Variants in NCALD observed in about 807,000 individuals in gnomAD.
NCALD encodes the protein neurocalcin delta.
Under a neutral mutation model 18.6 loss-of-function variants are expected in NCALD, and 10 were observed. The ratio of observed to expected loss-of-function variants is 0.54; its 90% CI spans 0.33 to 0.91. NCALD has a LOEUF of 0.91. Ranked by LOEUF, NCALD falls within the 40% of genes least tolerant of loss-of-function variation. The probability of loss-of-function intolerance (pLI) is 0.03; values close to 1 mark genes in which losing one functional copy is unlikely to be tolerated. For synonymous variants in NCALD, 88 were observed against 87.4 expected (o/e 1.01, Z -0.04); for missense variants, 184 against 247.6 (o/e 0.74, Z 1.72).
At chr8:102,068,494 T>G (rs1415156222) in intron 1 of NCALD, among the ~76,000 whole-genome samples, 3 of 152,234 alleles carry the variant, frequency 2.0e-5, no homozygotes, top group African/African-American at 7.2e-5. Context: ...TCACAAGGCT[T>G]GAGTTGCTAT....
intron 1 of NCALD, among the ~76,000 whole-genome samples, chr8:102,067,513 A>G (rs1790362280): frequency 6.6e-6 from 1 of 152,190 alleles, no homozygotes; most frequent in South Asian, 2.1e-4. Flanking sequence ...TTTAGCAAGG[A>G]CTTTCCAGGA....
intron 3 of NCALD, among the ~76,000 whole-genome samples, chr8:101,889,694 T>C (rs1816802203): frequency 1.3e-5 from 2 of 152,210 alleles, no homozygotes; most frequent in South Asian, 2.1e-4. Flanking sequence ...TTTACCAAAA[T>C]TTATTTCGAG....
At chr8:101,759,614 C>T (rs1811030135) in intron 1 of NCALD, among the ~76,000 whole-genome samples, 1 of 152,128 alleles carries the variant, frequency 6.6e-6, no homozygotes, top group African/African-American at 2.4e-5. Flanking sequence ...TATTTCAATT[C>T]TGCCACACAA....
chr8:101,816,209 G>A (rs1813489479), intron 4 of NCALD, among the ~76,000 whole-genome samples: 1 of 152,128 alleles, frequency 6.6e-6, no homozygotes, highest in Non-Finnish European at 1.5e-5. Context: ...ATACTGAAAG[G>A]TGGCAGAATA....
intron 4 of NCALD, among the ~76,000 whole-genome samples, chr8:101,819,631 T>C (rs1813639096): frequency 6.6e-6 from 1 of 152,210 alleles, no homozygotes; most frequent in Non-Finnish European, 1.5e-5. Context: ...ATTGTTTGTT[T>C]GACAGCACCA....
intron 1 of NCALD, among the ~76,000 whole-genome samples, chr8:102,092,412 T>C (rs1249488787): frequency 6.6e-6 from 1 of 152,246 alleles, no homozygotes; most frequent in Non-Finnish European, 1.5e-5. Flanking sequence ...CTCCGTGGAT[T>C]AGCCCTGAAC....
chr8:102,031,747 G>A (rs1822680270), intron 1 of NCALD, among the ~76,000 whole-genome samples: 3 of 152,086 alleles, frequency 2.0e-5, no homozygotes. Context: ...AAATTGCTAT[G>A]ATCAATATTA....
At position 102,041,535 on chromosome 8, in the gene NCALD, CCAACA is replaced by C. The variant is rs1197282718; in HGVS notation, c.-209-21251_-209-21247del. Among the ~76,000 whole-genome samples, 8 of 152,300 alleles carry C rather than the reference CCAACA, an allele frequency of 5.3e-5. No individual in the cohort carries two copies. In the East Asian group the frequency reaches 1.4e-3, roughly 26 times the overall value. On this transcript the variant is annotated intron_variant, in intron 1 of 6. Transcript: ENST00000311028. ...CTCTGTGCAGACCTAACAGAATGGC[CCAACA>C]CAACCCCCACAGTGAACCACGTATG...
chr8:101,785,849 A>C (rs1177913818), intron 1 of NCALD: 5 of 152,220 alleles, frequency 3.3e-5, no homozygotes, highest in African/African-American at 1.2e-4. Flanking sequence ...GACTGAGCAT[A>C]CCGACCTGGA....
chr8:101,734,103 G>A (rs1366653586), intron 1 of NCALD, among the ~76,000 whole-genome samples: 4 of 152,164 alleles, frequency 2.6e-5, no homozygotes, highest in Non-Finnish European at 2.9e-5. Context: ...TGCCCCAGGA[G>A]CAGGGAGGAG....
intron 1 of NCALD, among the ~76,000 whole-genome samples, chr8:102,046,595 C>T (rs529967156): frequency 6.6e-6 from 1 of 152,220 alleles, no homozygotes; most frequent in East Asian, 1.9e-4. Context: ...ACCTCTGCCT[C>T]CCAGGCTCAA....
chr8:101,914,735 A>G (rs1817919730), intron 3 of NCALD, among the ~76,000 whole-genome samples: 1 of 152,174 alleles, frequency 6.6e-6, no homozygotes, highest in African/African-American at 2.4e-5. Context: ...TATTCTTTTC[A>G]CATACAACCA....
At chr8:102,048,061 G>T (rs1032421368) in intron 1 of NCALD, among the ~76,000 whole-genome samples, 2 of 152,144 alleles carry the variant, frequency 1.3e-5, no homozygotes, top group African/African-American at 4.8e-5. Context: ...CAATTTCTGA[G>T]TCAGAAGATT....
chr8:102,080,074 A>G (rs1405510392), intron 1 of NCALD, among the ~76,000 whole-genome samples: 2 of 152,200 alleles, frequency 1.3e-5, no homozygotes. Flanking sequence ...TTTTAATAAA[A>G]ATAGATCCCT....
intron 2 of NCALD, among the ~76,000 whole-genome samples, chr8:101,988,975 C>T (rs956362581): frequency 1.3e-5 from 2 of 149,984 alleles, no homozygotes; most frequent in Non-Finnish European, 2.9e-5. Context: ...GATGGAGAGG[C>T]GTCTAGCAAG....
At position 101,945,888 on chromosome 8, in the gene NCALD, A is replaced by G. The variant is rs1426133779; in HGVS notation, c.-156-30030T>C. Among the ~76,000 whole-genome samples the G allele has an allele frequency of 2.0e-5, 3 of 152,220 alleles. No individual in the cohort carries two copies. The East Asian group carries it at 5.8e-4, about 29-fold the overall frequency. ...AGTCACACCCTTTGTTCCATTTAGAAAAAAGTTCTCAATGCTCTCCTTTTT... is the reference window on the plus strand; with the variant it reads ...AGTCACACCCTTTGTTCCATTTAGAGAAAAGTTCTCAATGCTCTCCTTTTT... On this transcript the variant is annotated intron_variant, in intron 2 of 6. Transcript: ENST00000311028.
At chr8:101,734,323 G>A (rs1816980593) in intron 1 of NCALD, among the ~76,000 whole-genome samples, 1 of 152,116 alleles carries the variant, frequency 6.6e-6, no homozygotes, top group Non-Finnish European at 1.5e-5. Flanking sequence ...GGCCTTCTCT[G>A]ACCACCCGGA....
At chr8:101,935,783 CTTT>C (rs35929551) in intron 2 of NCALD, among the ~76,000 whole-genome samples, 15 of 103,500 alleles carry the variant, frequency 1.4e-4, no homozygotes, top group Admixed American at 5.8e-4. Flanking sequence ...TCAAGAGATT[CTTT>C]TTTTTTTTTT....
At chr8:101,807,922 A>C (rs2131122752) in intron 4 of NCALD, among the ~76,000 whole-genome samples, 1 of 152,286 alleles carries the variant, frequency 6.6e-6, no homozygotes, top group African/African-American at 2.4e-5. Flanking sequence ...AAGTAGAAAG[A>C]AGGAAATAAT....
Sources: allele counts gnomAD v4.1 joint callset (sites outside exome capture counted in the v4.1 genomes callset), GRCh38; gene constraint gnomAD v4.1.1; transcripts MANE v1.5; gene names NCBI Gene and HGNC (gene_info 2026-07-23, HGNC 2026-07-21).